SLC23A1: variants seen among roughly 807,000 people sequenced by gnomAD.
The protein encoded by SLC23A1 is solute carrier family 23 member 1, also known as Na(+)/L-ascorbic acid transporter 1.
A neutral mutation model predicts 62.5 loss-of-function variants in SLC23A1; 31 were observed. The observed-to-expected ratio is 0.50, with a 90% CI of 0.37 to 0.67. The LOEUF is 0.67. Ranked by LOEUF, SLC23A1 falls within the 30% of genes least tolerant of loss-of-function variation. The pLI is 0.00. For synonymous variants in SLC23A1, 271 were observed against 313.2 expected, an observed-to-expected ratio of 0.87 and a Z score of 1.42; for missense variants, 640 against 782.7, an observed-to-expected ratio of 0.82 and a Z score of 2.18.
rs1053202225 is a variant in SLC23A1, at chr5:139,379,338, G to A, written c.942C>T (p.Pro314=). Reference sequence around the variant, plus strand: ...CCAGGACAGCAGCCGCAGTCACCGTGGGCAGGCCCCACTGACCTGTGCTCG... The same window carrying A: ...CCAGGACAGCAGCCGCAGTCACCGTAGGCAGGCCCCACTGACCTGTGCTCG... ...RIPYPCQWGL[P]TVTAAAVLGM... is the part of the protein sequence containing the mutation. The change falls in exon 9 of 15, where the codon CCC becomes CCT. Residue 314 remains proline, a synonymous_variant. Transcript: ENST00000348729. This position sits in a 1 kb window ranked among gnomAD's most constrained non-coding sequence, Gnocchi z 4.7. The A allele has an allele frequency of 1.2e-6, 2 of 1,614,040 alleles. No individual in the cohort carries two copies. Among genetic ancestry groups the A allele is most frequent in the African/African-American group, 2.7e-5 (2 of 74,914 alleles).
chr5:139,375,128 TGAGA>T (rs371837129), intron 13 of SLC23A1, among the ~76,000 whole-genome samples: 1 of 152,182 alleles, frequency 6.6e-6, no homozygotes, highest in Non-Finnish European at 1.5e-5. Context: ...ACTTGGATCT[TGAGA>T]GAGAGGGAGG....
At chr5:139,384,338 G>A, upstream of SLC23A1, 3 of 1,272,076 alleles carry the variant, frequency 2.4e-6, no homozygotes, top group Non-Finnish European at 3.1e-6. Context: ...CCCAGCCCCA[G>A]CACTCTAGAG....
At chr5:139,374,000 C>A (rs1021256110) in intron 13 of SLC23A1, among the ~76,000 whole-genome samples, 1 of 152,222 alleles carries the variant, frequency 6.6e-6, no homozygotes, top group Non-Finnish European at 1.5e-5. Context: ...AAGCCCCCTC[C>A]TTTTTCCTAG....
intron 14 of SLC23A1, among the ~76,000 whole-genome samples, chr5:139,368,026 C>A (rs546780359): frequency 6.6e-6 from 1 of 151,912 alleles, no homozygotes; most frequent in African/African-American, 2.4e-5. Context: ...TGGTGAAACC[C>A]CTTCTCTACT....
At chr5:139,385,527 A>C (rs1012494104), upstream of SLC23A1, among the ~76,000 whole-genome samples, 1 of 152,146 alleles carries the variant, frequency 6.6e-6, no homozygotes, top group Non-Finnish European at 1.5e-5. Context: ...AGTGGCTGGA[A>C]TAGGTGTGCC....
upstream of SLC23A1, chr5:139,384,583 T>C (rs778697360): frequency 1.6e-6 from 2 of 1,275,134 alleles, no homozygotes; most frequent in South Asian, 1.3e-5. Flanking sequence ...AGCACTTTTC[T>C]CTCCAACTTC....
chr5:139,383,468 C>A, upstream of SLC23A1: 1 of 789,740 alleles, frequency 1.3e-6, no homozygotes, highest in African/African-American at 1.9e-5. Context: ...CCACATGTGC[C>A]CTTCCCTGCC....
chr5:139,374,587 A>T (rs1370024773), intron 13 of SLC23A1, among the ~76,000 whole-genome samples: 1 of 152,206 alleles, frequency 6.6e-6, no homozygotes, highest in African/African-American at 2.4e-5. Flanking sequence ...AGGTTGTGTG[A>T]CCTTAGGCAA....
At chr5:139,374,286 A>C (rs1449270235) in intron 13 of SLC23A1, among the ~76,000 whole-genome samples, 5 of 152,166 alleles carry the variant, frequency 3.3e-5, no homozygotes, top group Admixed American at 3.3e-4. Context: ...GTGTCTACTA[A>C]AAATACAAAA....
intron 13 of SLC23A1, among the ~76,000 whole-genome samples, chr5:139,374,730 G>A (rs1427648933): frequency 6.6e-6 from 1 of 152,228 alleles, no homozygotes; most frequent in South Asian, 2.1e-4. Context: ...GGGGTATAAG[G>A]GACTCAGGCA....
At chr5:139,373,604 T>G (rs1352944690) in intron 13 of SLC23A1, among the ~76,000 whole-genome samples, 4 of 152,200 alleles carry the variant, frequency 2.6e-5, no homozygotes, top group Non-Finnish European at 4.4e-5. Context: ...AGTGGGAATT[T>G]CCACTTGCTG....
intron 13 of SLC23A1, among the ~76,000 whole-genome samples, chr5:139,375,473 G>C (rs1215532986): frequency 6.6e-6 from 1 of 152,180 alleles, no homozygotes; most frequent in African/African-American, 2.4e-5. Flanking sequence ...TGAGGCTGTA[G>C]TATGCTATGA....
chr5:139,376,589 T>A (rs2152067961), intron 13 of SLC23A1, among the ~76,000 whole-genome samples: 1 of 152,364 alleles, frequency 6.6e-6, no homozygotes, highest in East Asian at 1.9e-4. Context: ...TCAGAGCACC[T>A]GGTGACATTT....
intron 13 of SLC23A1, among the ~76,000 whole-genome samples, chr5:139,375,311 C>T (rs116215683): frequency 6.6e-6 from 1 of 152,352 alleles, no homozygotes; most frequent in African/African-American, 2.4e-5. Flanking sequence ...CCAGCAGAGG[C>T]AGTATGGTGC....
chr5:139,381,569 C>T (rs1323365861), intron 3 of SLC23A1, among the ~76,000 whole-genome samples: 3 of 144,936 alleles, frequency 2.1e-5, no homozygotes, highest in Admixed American at 1.4e-4. Context: ...GCCGAGATCA[C>T]GCCACCGCAA....
At chr5:139,368,905 C>A in intron 14 of SLC23A1, 1 of 799,858 alleles carries the variant, frequency 1.3e-6, no homozygotes, top group South Asian at 1.7e-5. Context: ...TACACTTATG[C>A]ATTGCCAAAG....
At chr5:139,384,411 A>G (rs1269691936), upstream of SLC23A1, 2 of 1,289,612 alleles carry the variant, frequency 1.6e-6, no homozygotes, top group Non-Finnish European at 2.0e-6. Context: ...AAGGGGCAGC[A>G]CCGCTCTCCA....
rs1030257852 is a variant in SLC23A1, at chr5:139,380,211, G to T, written c.644C>A (p.Ala215Asp). 5.1e-6 allele frequency: 8 copies of T among 1,558,194 alleles called. No individual in the cohort carries two copies. Among genetic ancestry groups the T allele is most frequent in the Non-Finnish European group, 6.1e-6 (7 of 1,150,704 alleles). ...ATCAGGCCTGGTGCCTGCTCACCAA[G>T]CTGAGATGCCCCAGTGGGAGCCAGC... ...DRAGSHWGIS[A>D]CSILLIILFS... is the part of the protein sequence containing the mutation. The change falls in exon 6 of 15, where the codon GCT becomes GAT. Residue 215 changes from alanine to aspartate, a missense_variant. Physicochemically the swap from Ala to Asp is moderately radical, Grantham distance 126 (BLOSUM62 -2). Coordinates refer to ENST00000348729, the MANE Select transcript of SLC23A1 (RefSeq NM_005847.5).
intron 13 of SLC23A1, among the ~76,000 whole-genome samples, chr5:139,374,448 A>C (rs113222358): frequency 4.6e-5 from 7 of 152,038 alleles, no homozygotes; most frequent in South Asian, 2.1e-4. Flanking sequence ...AAAACAAAAC[A>C]AACAAACAAA....
Sources: gnomAD v4.1 joint callset for allele counts (sites outside exome capture counted in the v4.1 genomes callset) on GRCh38, gnomAD v4.1.1 for gene constraint, Gnocchi (gnomAD v3.1) non-coding constraint, MANE v1.5 for transcripts, NCBI Gene and HGNC (gene_info 2026-07-23, HGNC 2026-07-21) for gene names.